Variants in PCDH15 observed in about 807,000 individuals in gnomAD.
The protein encoded by PCDH15 is protocadherin related 15.
In PCDH15, 129 loss-of-function variants were observed where a neutral mutation model predicts 178.5. The ratio of observed to expected loss-of-function variants is 0.72; its 90% confidence interval spans 0.63 to 0.84. PCDH15 has a LOEUF of 0.84. PCDH15 is among the 40% of genes least tolerant of loss of function. The pLI, the probability that PCDH15 is intolerant of heterozygous loss-of-function variation, is 0.00. For synonymous variants in PCDH15, 800 were observed against 732.0 expected (o/e 1.09, Z -1.50); for missense variants, 2,230 against 2,099.9 (o/e 1.06, Z -1.21).
intron 18 of PCDH15, among the ~76,000 whole-genome samples, chr10:54,034,714 G>T (rs1304453484): frequency 6.6e-6 from 1 of 151,790 alleles, no homozygotes; most frequent in Non-Finnish European, 1.5e-5. Flanking sequence ...TTTTCCAGCT[G>T]CCTTCCTTCA....
At chr10:55,557,041 C>A (rs762703791) in intron 2 of PCDH15, among the ~76,000 whole-genome samples, 3 of 152,154 alleles carry the variant, frequency 2.0e-5, no homozygotes, top group Non-Finnish European at 4.4e-5. Context: ...TATCTCTCTG[C>A]TGCTTACATT....
At position 53,995,768 on chromosome 10, in the gene PCDH15, G is replaced by A; in HGVS notation, c.2752-3C>T. On this transcript the variant is annotated splice_region_variant and splice_polypyrimidine_tract_variant and intron_variant, in intron 20 of 37. Coordinates refer to ENST00000644397, the MANE Select transcript of PCDH15 (RefSeq NM_001384140.1). ...ACAGGAGGATAATCATTCATATCCT[G>A]TAAAACACAATTAGGAGTTTAGTAC... 2 of 1,612,668 alleles carry A rather than the reference G, an allele frequency of 1.2e-6. No individual in the cohort carries two copies. Among genetic ancestry groups the A allele is most frequent in the Non-Finnish European group, 1.7e-6 (2 of 1,178,898 alleles).
At chr10:54,977,599 T>C (rs1003406186) in intron 2 of PCDH15, among the ~76,000 whole-genome samples, 1 of 152,206 alleles carries the variant, frequency 6.6e-6, no homozygotes, top group African/African-American at 2.4e-5. Flanking sequence ...GTTTAGCATA[T>C]GATGAATAAA....
At chr10:54,653,421 A>G (rs2094307197) in intron 2 of PCDH15, among the ~76,000 whole-genome samples, 1 of 152,238 alleles carries the variant, frequency 6.6e-6, no homozygotes, top group Non-Finnish European at 1.5e-5. Flanking sequence ...ATTCAGATCT[A>G]GGCAGTCCAA....
intron 3 of PCDH15, among the ~76,000 whole-genome samples, chr10:54,870,643 G>A (rs554974433): frequency 2.6e-5 from 4 of 151,720 alleles, no homozygotes; most frequent in Admixed American, 1.3e-4. Context: ...AAAATTAGCC[G>A]GGCGTGGTGG....
chr10:55,017,916 C>T (rs1488090975), intron 2 of PCDH15, among the ~76,000 whole-genome samples: 1 of 151,964 alleles, frequency 6.6e-6, no homozygotes, highest in African/African-American at 2.4e-5. Context: ...ATATCAGTGG[C>T]CAGCTGACAC....
At chr10:54,515,538 G>A (rs2082123618) in intron 3 of PCDH15, among the ~76,000 whole-genome samples, 1 of 152,230 alleles carries the variant, frequency 6.6e-6, no homozygotes, top group African/African-American at 2.4e-5. Context: ...GCCTCTGTAG[G>A]CTCCACCTCT....
chr10:54,037,441 C>A (rs758652310), intron 18 of PCDH15, among the ~76,000 whole-genome samples: 1 of 151,884 alleles, frequency 6.6e-6, no homozygotes, highest in Non-Finnish European at 1.5e-5. Context: ...TGAGACAAGA[C>A]CCTCTATCTG....
At chr10:54,135,239 G>T in intron 14 of PCDH15, among the ~76,000 whole-genome samples, 1 of 151,476 alleles carries the variant, frequency 6.6e-6, no homozygotes. Context: ...CATTTATCAT[G>T]ATATTGTTCT....
At chr10:54,531,496 C>T (rs561731841) in intron 2 of PCDH15, among the ~76,000 whole-genome samples, 1 of 152,170 alleles carries the variant, frequency 6.6e-6, no homozygotes, top group South Asian at 2.1e-4. Flanking sequence ...TCATTGTAGC[C>T]TGAATTTTAA....
At chr10:55,572,292 T>C (rs1368561986) in intron 2 of PCDH15, among the ~76,000 whole-genome samples, 1 of 149,824 alleles carries the variant, frequency 6.7e-6, no homozygotes, top group Non-Finnish European at 1.5e-5. Flanking sequence ...TAATTTATAT[T>C]AGAGTATATA....
intron 29 of PCDH15, among the ~76,000 whole-genome samples, chr10:53,833,927 A>G (rs1713544635): frequency 6.6e-6 from 1 of 152,122 alleles, no homozygotes; most frequent in Admixed American, 6.6e-5. Flanking sequence ...CAGGTGCTCA[A>G]TTGATTTTAG....
intron 8 of PCDH15, among the ~76,000 whole-genome samples, chr10:54,268,367 A>G (rs571464593): frequency 7.2e-5 from 11 of 152,092 alleles, no homozygotes; most frequent in African/African-American, 2.2e-4. Flanking sequence ...TGACGTAGGC[A>G]AAGAATTTAT....
intron 1 of PCDH15, among the ~76,000 whole-genome samples, chr10:55,250,994 T>A (rs528426316): frequency 6.6e-6 from 1 of 152,256 alleles, no homozygotes; most frequent in African/African-American, 2.4e-5. Context: ...TGCACTATTA[T>A]GGAGACAACT....
intron 1 of PCDH15, among the ~76,000 whole-genome samples, chr10:55,177,842 C>T (rs1429596940): frequency 6.6e-6 from 1 of 151,328 alleles, no homozygotes; most frequent in Admixed American, 6.6e-5. Context: ...CCTTGGAGAA[C>T]CCAGATTGGA....
Position 55,212,569 on chromosome 10 carries a change from A to T in PCDH15, c.-155-45918T>A, listed in dbSNP as rs536669479. Reference sequence around the variant, plus strand: ...AGGAATGATAATTTAAATAGTTAACAAGGGGAACTTAACATCAGTAACTTA... The same window carrying T: ...AGGAATGATAATTTAAATAGTTAACTAGGGGAACTTAACATCAGTAACTTA... On this transcript the variant is annotated intron_variant, in intron 1 of 5. Transcript: ENST00000458638. 8.6e-4 allele frequency among the ~76,000 whole-genome samples: 131 copies of T among 152,160 alleles called. 1 individual carries two copies. Among genetic ancestry groups the T allele is most frequent in the African/African-American group, 3.0e-3 (124 of 41,446 alleles).
At chr10:55,415,901 CTTAGCA>C (rs1838469272) in intron 2 of PCDH15, among the ~76,000 whole-genome samples, 1 of 151,538 alleles carries the variant, frequency 6.6e-6, no homozygotes, top group African/African-American at 2.4e-5. Context: ...AAAAGTTTGT[CTTAGCA>C]ATATCTATAA....
intron 2 of PCDH15, among the ~76,000 whole-genome samples, chr10:55,503,049 G>A (rs1840689512): frequency 6.6e-6 from 1 of 151,304 alleles, no homozygotes; most frequent in Non-Finnish European, 1.5e-5. Flanking sequence ...TCATTCATTA[G>A]TTTTTATAGG....
At chr10:54,175,083 T>G (rs1212302296) in intron 13 of PCDH15, among the ~76,000 whole-genome samples, 1 of 152,226 alleles carries the variant, frequency 6.6e-6, no homozygotes, top group African/African-American at 2.4e-5. Flanking sequence ...TCCACATTTT[T>G]GTAAGCTTTG....
Sources: gnomAD v4.1 joint callset for allele counts (sites outside exome capture counted in the v4.1 genomes callset) on GRCh38, gnomAD v4.1.1 for gene constraint, MANE v1.5 for transcripts, NCBI Gene and HGNC (gene_info 2026-07-23, HGNC 2026-07-21) for gene names.